The following TCF20 variants were observed in gnomAD, a reference collection of about 807,000 sequenced individuals.
TCF20 encodes SPRE-binding protein.
TCF20 carries 3 observed loss-of-function variants against 148.6 expected under a neutral mutation model. The observed-to-expected ratio is 0.02, with a 90% CI of 0.01 to 0.05. TCF20 has a LOEUF of 0.05. TCF20 is among the 10% of genes least tolerant of loss of function. The pLI is 1.00. For synonymous variants in TCF20, 1,049 were observed against 909.5 expected, an observed-to-expected ratio of 1.15 and a Z score of -2.76; for missense variants, 2,350 against 2,429.3, an observed-to-expected ratio of 0.97 and a Z score of 0.69.
At chr22:42,250,593 T>A (rs900660862) in intron 1 of TCF20, among the ~76,000 whole-genome samples, 2 of 152,106 alleles carry the variant, frequency 1.3e-5, no homozygotes, top group Non-Finnish European at 2.9e-5. Context: ...TACTACCTCA[T>A]CAAAAGACCT....
upstream of TCF20, among the ~76,000 whole-genome samples, chr22:42,270,982 TG>T (rs892310275): frequency 1.3e-5 from 2 of 152,006 alleles, no homozygotes; most frequent in African/African-American, 4.8e-5. Context: ...GGGGAGTTGG[TG>T]GCCCGGAATC....
In TCF20 at chr22:42,216,079, C is replaced by CTTTTTTTTTTTTTTTTTTTTTTTTTTTTT. The variant is rs759118027; in HGVS notation, c.-36-739_-36-738insAAAAAAAAAAAAAAAAAAAAAAAAAAAAA. On this transcript the variant is annotated intron_variant, in intron 1 of 5. Coordinates refer to ENST00000677622, the MANE Select transcript of TCF20 (RefSeq NM_001378418.1). Reference sequence around the variant, plus strand: ...GGTGTGGGGTAAGAAAAACCAAATCCTTTTTTTTTTTTTTTTTTTTTTTTT... The same window carrying CTTTTTTTTTTTTTTTTTTTTTTTTTTTTT: ...GGTGTGGGGTAAGAAAAACCAAATCCTTTTTTTTTTTTTTTTTTTTTTTTTTTTTTTTTTTTTTTTTTTTTTTTTTTTTT... 1.8e-4 allele frequency among the ~76,000 whole-genome samples: 9 copies of CTTTTTTTTTTTTTTTTTTTTTTTTTTTTT among 50,572 alleles called. 3 individuals are homozygous for CTTTTTTTTTTTTTTTTTTTTTTTTTTTTT. Among genetic ancestry groups the CTTTTTTTTTTTTTTTTTTTTTTTTTTTTT allele is most frequent in the African/African-American group, 5.1e-4 (6 of 11,834 alleles). 33.2% of individuals were successfully genotyped at this position (50,572 alleles called of 152,430 possible). A position where few individuals can be genotyped will look rare whatever the true frequency, so the allele number is the denominator to read the frequency against.
rs1927285627 is a variant in TCF20 at position 42,299,083 on chromosome 22, C to T, written c.-37+44396G>A. ...CAAGGGTTCCCACACCCACCGCCTG[C>T]CCAGACCCCTGCTGTGGAGGGGAAC... On this transcript the variant is annotated intron_variant, in intron 1 of 1. Transcript: ENST00000515426. This position sits in a 1 kb window ranked among gnomAD's most constrained non-coding sequence, Gnocchi z 4.1. Among the ~76,000 whole-genome samples the T allele has an allele frequency of 6.6e-6, 1 of 152,236 alleles. No homozygotes were observed. The highest frequency in any genetic ancestry group is 2.4e-5 in the African/African-American group (1 of 41,464).
chr22:42,287,955 G>A (rs1173919528), upstream of TCF20, among the ~76,000 whole-genome samples: 2 of 152,260 alleles, frequency 1.3e-5, no homozygotes, highest in Non-Finnish European at 2.9e-5. Context: ...GAGCGAAAAA[G>A]TGCAATGGTT....
At position 42,211,687 on chromosome 22, in the gene TCF20, A is replaced by C. The variant is rs768879599; in HGVS notation, c.3619T>G (p.Ser1207Ala). ...GGCGGCCCATACCTTTTTTGACTGG[A>C]CATTCCTGGAGGACCGCTGCTTTTG... ...PAKSSGPPGM[S>A]SQKRYGPPHE... is the part of the protein sequence containing the mutation. The change falls in exon 2 of 6, where the codon TCC becomes GCC. Residue 1207 changes from serine (S) to alanine (A), a missense_variant. By Grantham distance (99) the Ser-to-Ala change is moderately conservative. Coordinates refer to ENST00000677622, the MANE Select transcript of TCF20 (RefSeq NM_001378418.1). 5 of 1,614,128 alleles carry C rather than the reference A, an allele frequency of 3.1e-6. No homozygotes were observed. In the East Asian group the frequency reaches 1.1e-4, roughly 36 times the overall value.
intron 1 of TCF20, among the ~76,000 whole-genome samples, chr22:42,310,740 T>A (rs529698734): frequency 6.6e-6 from 1 of 152,124 alleles, no homozygotes; most frequent in Admixed American, 6.5e-5. Flanking sequence ...GCCAGGAGCC[T>A]GAGTCTGGAA....
At chr22:42,314,573 C>T (rs529373684) in intron 1 of TCF20, among the ~76,000 whole-genome samples, 6 of 152,264 alleles carry the variant, frequency 3.9e-5, no homozygotes, top group African/African-American at 1.2e-4. Flanking sequence ...GGAAGAGGAA[C>T]CCGCAGGTCC....
At chr22:42,270,922 T>C (rs1926592506), upstream of TCF20, among the ~76,000 whole-genome samples, 1 of 151,724 alleles carries the variant, frequency 6.6e-6, no homozygotes, top group Non-Finnish European at 1.5e-5. Flanking sequence ...AGTGCCATCT[T>C]GGCCTGCGCC....
intron 3 of TCF20, among the ~76,000 whole-genome samples, chr22:42,176,763 T>G (rs1936478980): frequency 6.6e-6 from 1 of 152,186 alleles, no homozygotes; most frequent in Non-Finnish European, 1.5e-5. Context: ...AAAAGCTGCA[T>G]GTTCTCGCTC....
At position 42,213,118 on chromosome 22, in the gene TCF20, C is replaced by T. The variant is rs1400296856; in HGVS notation, c.2188G>A (p.Gly730Arg). 1 of 1,614,028 alleles carries T rather than the reference C, an allele frequency of 6.2e-7. No homozygotes were observed. Among genetic ancestry groups the T allele is most frequent in the Non-Finnish European group, 8.5e-7 (1 of 1,180,026 alleles). The change falls in exon 2 of 6, where the codon GGG (glycine) becomes AGG (arginine). Residue 730 changes from glycine (G) to arginine (R), a missense_variant. Physicochemically the swap from Gly to Arg is moderately radical, Grantham distance 125. This residue lies in a region of TCF20 where 1,641 missense variants were observed against 1,662.6 expected (regional missense o/e 0.99). Transcript: ENST00000677622. ...NVSGFPQYPT[G>R]QEKGDFTGHG... ...CCAGTGAAATCTCCCTTTTCTTGCC[C>T]TGTAGGATACTGAGGAAAGCCACTG... is the stretch of plus-strand genomic sequence containing the variant.
At chr22:42,296,124 C>G (rs980787155) in intron 1 of TCF20, among the ~76,000 whole-genome samples, 1 of 152,238 alleles carries the variant, frequency 6.6e-6, no homozygotes, top group African/African-American at 2.4e-5. Context: ...GAAGATGTGT[C>G]AGGACTTAGA....
intron 1 of TCF20, among the ~76,000 whole-genome samples, chr22:42,282,104 G>A (rs1926914722): frequency 6.6e-6 from 1 of 152,244 alleles, no homozygotes; most frequent in Admixed American, 6.5e-5. Context: ...AGGAGGTGGT[G>A]ACGTCAGGTT....
chr22:42,251,353 G>C (rs12168602), intron 1 of TCF20, among the ~76,000 whole-genome samples: 9 of 151,924 alleles, frequency 5.9e-5, no homozygotes, highest in African/African-American at 2.2e-4. Context: ...GCTAATTTTT[G>C]TATTTTTTTG....
chr22:42,234,840 G>A (rs901802185), intron 1 of TCF20, among the ~76,000 whole-genome samples: 9 of 152,042 alleles, frequency 5.9e-5, no homozygotes, highest in Non-Finnish European at 7.4e-5. Context: ...AGATCATTTC[G>A]GTAGCATAAG....
chr22:42,280,083 G>A (rs1926867398), intron 1 of TCF20, among the ~76,000 whole-genome samples: 1 of 152,236 alleles, frequency 6.6e-6, no homozygotes, highest in Non-Finnish European at 1.5e-5. Context: ...TGTGGGCTGA[G>A]TGCAGAATGG....
At position 42,211,171 on chromosome 22, in the gene TCF20, T is replaced by G; in HGVS notation, c.4135A>C (p.Thr1379Pro). The G allele has an allele frequency of 6.2e-7, 1 of 1,614,192 alleles. No individual in the cohort carries two copies. The highest frequency in any genetic ancestry group is 1.3e-5 in the African/African-American group (1 of 75,032). ...GACAGTATATCATCAAGCGTAACCG[T>G]GTCTCCCCCAGCCTCCGCACTGTTC... ...SSNSAEAGGDTVTLDDILSLK... is the reference protein window; with the variant it reads ...SSNSAEAGGDPVTLDDILSLK... The change falls in exon 2 of 6, where the codon ACG (threonine) becomes CCG (proline). Residue 1379 changes from threonine to proline, a missense_variant. Physicochemically the swap from Thr to Pro is conservative, Grantham distance 38. This residue lies in a region of TCF20 where 231 missense variants were observed against 213.7 expected (regional missense o/e 1.08). Transcript: ENST00000677622.
At chr22:42,259,119 G>A (rs886816358) in intron 1 of TCF20, among the ~76,000 whole-genome samples, 12 of 152,138 alleles carry the variant, frequency 7.9e-5, no homozygotes, top group African/African-American at 2.9e-4. Flanking sequence ...CTGGTTCCAT[G>A]CTCTCTGGAG....
chr22:42,276,201 C>T (rs1182366913), intron 1 of TCF20, among the ~76,000 whole-genome samples: 4 of 152,140 alleles, frequency 2.6e-5, no homozygotes, highest in Non-Finnish European at 5.9e-5. Context: ...AGCCTGAAAC[C>T]GAAGCTTCCT....
intron 2 of TCF20, among the ~76,000 whole-genome samples, chr22:42,199,449 C>A (rs1316238862): frequency 6.6e-6 from 1 of 152,096 alleles, no homozygotes; most frequent in African/African-American, 2.4e-5. Context: ...AAATAGGGTA[C>A]AACTGTGCAC....
Sources: gnomAD v4.1 joint callset for allele counts (sites outside exome capture counted in the v4.1 genomes callset) on GRCh38, gnomAD v4.1.1 for gene constraint, gnomAD v4.1.1 regional missense constraint, Gnocchi (gnomAD v3.1) non-coding constraint, MANE v1.5 for transcripts, NCBI Gene and HGNC (gene_info 2026-07-23, HGNC 2026-07-21) for gene names.